The following KIF5B variants were observed in gnomAD, a reference collection of about 807,000 sequenced individuals.
KIF5B encodes the protein kinesin-1 heavy chain.
KIF5B carries 49 observed loss-of-function variants against 132.8 expected under a neutral mutation model. The ratio of observed to expected loss-of-function variants is 0.37; its 90% CI spans 0.29 to 0.47. KIF5B has a LOEUF of 0.47. KIF5B is among the 20% of genes least tolerant of loss of function. KIF5B has a pLI of 1.00. For missense variants in KIF5B, 780 were observed against 1,144.0 expected (o/e 0.68, Z 4.59); for synonymous variants, 355 against 369.4 (o/e 0.96, Z 0.45).
chr10:32,055,743 G>T lies in KIF5B; in HGVS notation c.126+105C>A. 4.2e-6 allele frequency: 6 copies of T among 1,441,838 alleles called. No individual in the cohort carries two copies. In the South Asian group the frequency reaches 6.4e-5, roughly 15 times the overall value. The allele number at this position is 1,441,838 out of a possible 1,614,324, so 89.3% of individuals were successfully genotyped here. A position where few individuals can be genotyped will look rare whatever the true frequency, so the allele number is the denominator to read the frequency against. On this transcript the variant is annotated intron_variant, in intron 1 of 25. Coordinates refer to ENST00000302418, the MANE Select transcript of KIF5B (RefSeq NM_004521.3). ...GCAAACCCCGCCGGGGAGGGCTGGG[G>T]ACACCGCCGCTCCCTTTCAATTCTG... is the stretch of plus-strand genomic sequence containing the variant.
chr10:32,034,115 T>A, intron 11 of KIF5B, 77 bp from the exon 12 acceptor site: 3 of 894,128 alleles, frequency 3.4e-6, no homozygotes, highest in Non-Finnish European at 4.9e-6. Flanking sequence ...TTAAAAATTT[T>A]TTTTTTTTTT....
At chr10:32,024,897 T>G (rs1841315031) in intron 15 of KIF5B, among the ~76,000 whole-genome samples, 1 of 151,872 alleles carries the variant, frequency 6.6e-6, no homozygotes, top group African/African-American at 2.4e-5. Context: ...GACAATATGG[T>G]GAAATCCCAT....
intron 1 of KIF5B, among the ~76,000 whole-genome samples, chr10:32,049,194 A>G (rs181480511): frequency 6.5e-4 from 99 of 152,358 alleles, no homozygotes; most frequent in African/African-American, 2.4e-3. Context: ...GACATGCTAG[A>G]ATGATAACCA....
intron 25 of KIF5B, among the ~76,000 whole-genome samples, chr10:32,014,153 A>G (rs752750246): frequency 1.3e-5 from 2 of 152,188 alleles, no homozygotes; most frequent in Non-Finnish European, 2.9e-5. Flanking sequence ...TATATGACCA[A>G]TTATTAGGCA....
At chr10:32,047,718 A>G (rs888829917) in intron 2 of KIF5B, among the ~76,000 whole-genome samples, 5 of 152,132 alleles carry the variant, frequency 3.3e-5, no homozygotes, top group Admixed American at 2.0e-4. Flanking sequence ...TAATCCACCT[A>G]TTTTTATACT....
chr10:32,054,661 A>G (rs1231715334), intron 1 of KIF5B, among the ~76,000 whole-genome samples: 1 of 152,232 alleles, frequency 6.6e-6, no homozygotes, highest in African/African-American at 2.4e-5. Context: ...ACATATTAAA[A>G]TTTCATACCA....
Position 32,026,310 on chromosome 10 carries a change from C to G in KIF5B, c.1725+2118G>C, listed in dbSNP as rs183234780. On this transcript the variant is annotated intron_variant, in intron 15 of 25. Transcript: ENST00000302418. Reference sequence around the variant, plus strand: ...AAAATTATCCAGGCGTGGTGGCACACGCCTGTAATCCTAGCTACTCGGGAG... The same window carrying G: ...AAAATTATCCAGGCGTGGTGGCACAGGCCTGTAATCCTAGCTACTCGGGAG... Among the ~76,000 whole-genome samples, 942 of 151,588 alleles carry G rather than the reference C, an allele frequency of 6.2e-3. 14 individuals are homozygous for G. Among genetic ancestry groups the G allele is most frequent in the African/African-American group, 0.021 (882 of 41,382 alleles).
At chr10:32,022,471 AAATACT>A (rs1345490604) in intron 16 of KIF5B, among the ~76,000 whole-genome samples, 1 of 152,214 alleles carries the variant, frequency 6.6e-6, no homozygotes, top group African/African-American at 2.4e-5. Flanking sequence ...CTCAAATATG[AAATACT>A]AATTTTACAG....
At position 32,022,834 on chromosome 10, in the gene KIF5B, G is replaced by T. The variant is rs754543734; in HGVS notation, c.1914+14C>A. 2.3e-5 allele frequency: 35 copies of T among 1,532,078 alleles called. No individual in the cohort carries two copies. The East Asian group carries it at 8.0e-4, about 35-fold the overall frequency. 94.9% of individuals were successfully genotyped at this position (1,532,078 alleles called of 1,614,324 possible). On this transcript the variant is annotated intron_variant, in intron 16 of 25. Transcript: ENST00000302418. The stretch of plus-strand genomic sequence containing the variant: ...TGTTTCAAAAAAATGAATAAACTTT[G>T]TTCTATAACATACTTGAGAGATACG...
chr10:32,013,636 T>C (rs1282194577), intron 25 of KIF5B, among the ~76,000 whole-genome samples: 1 of 151,686 alleles, frequency 6.6e-6, no homozygotes, highest in Non-Finnish European at 1.5e-5. Flanking sequence ...TATGGAATGG[T>C]ATTAAATAAT....
chr10:32,035,792 C>T (rs1018299815), intron 9 of KIF5B, 98 bp downstream of exon 9: 7 of 866,628 alleles, frequency 8.1e-6, no homozygotes, highest in Non-Finnish European at 1.1e-5. Context: ...ATCTCTCTTT[C>T]TCTCTCTCTC....
At chr10:32,018,801 G>A (rs1443346335) in intron 20 of KIF5B, among the ~76,000 whole-genome samples, 1 of 151,752 alleles carries the variant, frequency 6.6e-6, no homozygotes, top group Non-Finnish European at 1.5e-5. Flanking sequence ...CTGGGCTCAA[G>A]TGATCCTCCT....
chr10:32,038,744 T>C, intron 5 of KIF5B, 34 bp downstream of exon 5: 2 of 1,120,146 alleles, frequency 1.8e-6, no homozygotes, highest in Middle Eastern at 4.0e-4. Flanking sequence ...TTAACAGATG[T>C]TATTTAAAAC....
Position 32,015,569 on chromosome 10 carries a change from T to G in KIF5B, c.2852A>C (p.Gln951Pro), listed in dbSNP as rs1263623575. Residue 951 changes from glutamine (Q) to proline (P), a missense_variant, in exon 25 of 26, where the codon CAG becomes CCG. Gln to Pro is a moderately conservative substitution (Grantham distance 76). This residue lies in a region of KIF5B where 90 missense variants were observed against 101.8 expected (regional missense o/e 0.88). Coordinates refer to ENST00000302418, the MANE Select transcript of KIF5B (RefSeq NM_004521.3). ...TCCTCCACCTCGCACTGCCACTGGC[T>G]GGCTGTTCTGAACAAATGCACCTCC... The part of the protein sequence containing the change: ...RGGGAFVQNS[Q>P]PVAVRGGGGK... 3 of 1,613,674 alleles carry G rather than the reference T, an allele frequency of 1.9e-6. No homozygotes were observed. The highest frequency in any genetic ancestry group is 2.5e-6 in the Non-Finnish European group (3 of 1,179,748).
chr10:32,017,301 C>T lies in KIF5B; in HGVS notation c.2603G>A (p.Arg868Gln), dbSNP rs1410872384. The T allele has an allele frequency of 3.1e-6, 5 of 1,614,024 alleles. No homozygotes were observed. Among genetic ancestry groups the T allele is most frequent in the Non-Finnish European group, 4.2e-6 (5 of 1,180,028 alleles). Residue 868 changes from arginine to glutamine, a missense_variant, in exon 24 of 26, where the codon CGA becomes CAA. Transcript: ENST00000302418. ...CELPKLEKRL[R>Q]ATAERVKALE... Reference sequence around the variant, plus strand: ...AGCTTTCACTCTCTCAGCTGTAGCTCGAAGTCGCTTTTCCAACTTAGGAAG... The same window carrying T: ...AGCTTTCACTCTCTCAGCTGTAGCTTGAAGTCGCTTTTCCAACTTAGGAAG...
intron 1 of KIF5B, among the ~76,000 whole-genome samples, chr10:32,051,605 G>C (rs1368509312): frequency 6.6e-6 from 1 of 152,130 alleles, no homozygotes; most frequent in Non-Finnish European, 1.5e-5. Flanking sequence ...AAATAATTGA[G>C]ACTGGAGTGA....
chr10:32,050,262 C>A (rs1189548474), intron 1 of KIF5B, among the ~76,000 whole-genome samples: 2 of 152,172 alleles, frequency 1.3e-5, no homozygotes, highest in Non-Finnish European at 2.9e-5. Flanking sequence ...ATTCCCAATT[C>A]CCCTTTCCCT....
intron 20 of KIF5B, among the ~76,000 whole-genome samples, chr10:32,018,917 A>G (rs186258156): frequency 1.2e-4 from 18 of 152,212 alleles, no homozygotes; most frequent in African/African-American, 3.4e-4. Flanking sequence ...GCTGATTCTC[A>G]AACACTGGGC....
intron 1 of KIF5B, among the ~76,000 whole-genome samples, chr10:32,053,750 A>G (rs982746034): frequency 3.3e-5 from 5 of 151,916 alleles, no homozygotes; most frequent in Non-Finnish European, 1.5e-5. Flanking sequence ...AAAAATCTCA[A>G]AAAAACAACC....
Sources: allele counts gnomAD v4.1 joint callset (sites outside exome capture counted in the v4.1 genomes callset), GRCh38; gene constraint gnomAD v4.1.1; regional missense constraint gnomAD v4.1.1; transcripts MANE v1.5; gene names NCBI Gene and HGNC (gene_info 2026-07-23, HGNC 2026-07-21).